EPB41L2: variants seen among roughly 807,000 people sequenced by gnomAD.
EPB41L2 encodes band 4.1-like protein 2.
EPB41L2 carries 43 observed loss-of-function variants against 113.0 expected under a neutral mutation model. The observed-to-expected ratio is 0.38, with a 90% CI of 0.30 to 0.49. EPB41L2 has a LOEUF of 0.49. EPB41L2 is among the 20% of genes least tolerant of loss of function. The pLI is 0.95. For missense variants in EPB41L2, 1,147 were observed against 1,223.4 expected (o/e 0.94, Z 0.93); for synonymous variants, 442 against 436.7 (o/e 1.01, Z -0.15).
chr6:130,847,554 T>C (rs77776982), intron 19 of EPB41L2, among the ~76,000 whole-genome samples: 7,117 of 152,262 alleles, frequency 0.047, 232 homozygotes, highest in East Asian at 0.12. Flanking sequence ...AATTGCATTA[T>C]ATCTTTAGGA....
chr6:130,944,279 ATCATT>A (rs942563909), intron 3 of EPB41L2, among the ~76,000 whole-genome samples: 1 of 152,096 alleles, frequency 6.6e-6, no homozygotes, highest in Non-Finnish European at 1.5e-5. Context: ...AACAAATGCT[ATCATT>A]TATCTTGGAT....
chr6:131,013,645 C>T (rs1389881584), intron 1 of EPB41L2: 1 of 152,176 alleles, frequency 6.6e-6, no homozygotes, highest in Non-Finnish European at 1.5e-5. Context: ...ATTGTTCAGA[C>T]CTTTTGGCAG....
At position 130,942,201 on chromosome 6, in the gene EPB41L2, A is replaced by T. The variant is rs180817731; in HGVS notation, c.705+12904T>A. Among the ~76,000 whole-genome samples the T allele has an allele frequency of 9.2e-5, 14 of 152,306 alleles. No individual in the cohort carries two copies. The East Asian group carries it at 2.7e-3, about 29-fold the overall frequency. ...ACAGAGTATGTGCTCCTGCTAAGGG[A>T]ATGGATGAATAGAATGCACCTAATT... On this transcript the variant is annotated intron_variant, in intron 3 of 19. Coordinates refer to ENST00000337057, the MANE Select transcript of EPB41L2 (RefSeq NM_001431.4).
chr6:131,040,281 T>C (rs1000515232), intron 1 of EPB41L2, among the ~76,000 whole-genome samples: 1 of 152,054 alleles, frequency 6.6e-6, no homozygotes, highest in Admixed American at 6.6e-5. Context: ...CTACTAAAAA[T>C]ACAATGAATT....
chr6:130,951,938 G>A (rs552946120), intron 3 of EPB41L2, among the ~76,000 whole-genome samples: 1 of 152,144 alleles, frequency 6.6e-6, no homozygotes, highest in East Asian at 1.9e-4. Flanking sequence ...AAGATGGTGT[G>A]GAAAAGAGCC....
rs1250014590 is a variant in EPB41L2 at position 131,013,248 on chromosome 6, A to AT, written c.-15+49906_-15+49907insA. ...TAATCAGTTAACTAAAGAAAAAAAA[A>AT]AATATATATATATAAGACCCAATCC... is the stretch of plus-strand genomic sequence containing the variant. On this transcript the variant is annotated intron_variant, in intron 1 of 19. Transcript: ENST00000337057. 7.5e-3 allele frequency among the ~76,000 whole-genome samples: 1,064 copies of AT among 142,022 alleles called. 12 individuals are homozygous for AT. The highest frequency in any genetic ancestry group is 0.029 in the Middle Eastern group (8 of 274). The allele number at this position is 142,022 out of a possible 152,430, so 93.2% of individuals were successfully genotyped here.
chr6:130,864,010 T>C (rs897187800), intron 17 of EPB41L2, among the ~76,000 whole-genome samples: 9 of 152,154 alleles, frequency 5.9e-5, no homozygotes, highest in Non-Finnish European at 1.3e-4. Context: ...TCTCACTTGA[T>C]TAAGATAGGA....
intron 19 of EPB41L2, among the ~76,000 whole-genome samples, chr6:130,854,728 A>C (rs1779713163): frequency 6.6e-6 from 1 of 152,196 alleles, no homozygotes; most frequent in African/African-American, 2.4e-5. Context: ...ATCTTATTCT[A>C]TCCTTAGAAT....
At chr6:131,038,573 T>C (rs1478414610) in intron 1 of EPB41L2, among the ~76,000 whole-genome samples, 4 of 152,192 alleles carry the variant, frequency 2.6e-5, no homozygotes, top group African/African-American at 4.8e-5. Context: ...AAATCAACCA[T>C]GCCTCCTAAC....
At chr6:130,861,874 C>CAAAAAA (rs558987011) in intron 18 of EPB41L2, among the ~76,000 whole-genome samples, 33,826 of 117,972 alleles carry the variant, frequency 0.29, 4,146 homozygotes, top group East Asian at 0.36. Context: ...TCCATCTCCC[C>CAAAAAA]AAAAAAAAAA....
chr6:130,954,036 C>CTTTTTTTTTTTTTTTTT (rs1816328530), intron 3 of EPB41L2, among the ~76,000 whole-genome samples: 13 of 45,518 alleles, frequency 2.9e-4, no homozygotes, highest in African/African-American at 7.6e-4. Flanking sequence ...TAGTCCTTTT[C>CTTTTTTTTTTTTTTTTT]TTTCTTTTTT....
intron 1 of EPB41L2, among the ~76,000 whole-genome samples, chr6:130,992,170 G>A (rs1053019698): frequency 2.6e-5 from 4 of 152,104 alleles, no homozygotes; most frequent in African/African-American, 4.8e-5. Flanking sequence ...GGTGATTTGC[G>A]AAAAGATTCA....
intron 18 of EPB41L2, among the ~76,000 whole-genome samples, chr6:130,860,755 C>T (rs903877818): frequency 1.3e-5 from 2 of 151,616 alleles, no homozygotes; most frequent in African/African-American, 4.8e-5. Flanking sequence ...AGGATGGTCT[C>T]GATCTCCTGA....
At position 131,007,600 on chromosome 6, in the gene EPB41L2, G is replaced by A. The variant is rs867231307; in HGVS notation, c.-14-51101C>T. Among the ~76,000 whole-genome samples the A allele has an allele frequency of 9.8e-5, 15 of 152,302 alleles. No individual in the cohort carries two copies. The South Asian group carries it at 1.9e-3, about 19-fold the overall frequency. ...GTGAGAAAGTCTGGAACCTCCTAGA[G>A]ACTTGTTGAATGGCTTAGACCAAAA... is the stretch of plus-strand genomic sequence containing the variant. On this transcript the variant is annotated intron_variant, in intron 1 of 19. Coordinates refer to ENST00000337057, the MANE Select transcript of EPB41L2 (RefSeq NM_001431.4).
intron 1 of EPB41L2, among the ~76,000 whole-genome samples, chr6:131,016,470 A>T (rs1401972834): frequency 2.2e-5 from 3 of 133,916 alleles, no homozygotes; most frequent in Non-Finnish European, 4.7e-5. Context: ...TAAGCATTTA[A>T]TAAGGAAACA....
intron 8 of EPB41L2, among the ~76,000 whole-genome samples, chr6:130,895,848 A>T (rs952438512): frequency 1.3e-5 from 2 of 152,238 alleles, no homozygotes; most frequent in African/African-American, 4.8e-5. Flanking sequence ...GGCCTAAATT[A>T]TGTTTTAAAA....
At position 130,956,355 on chromosome 6, in the gene EPB41L2, T is replaced by C. The variant is rs765400009; in HGVS notation, c.131A>G (p.Glu44Gly). ...QQNQSSDPEE[E>G]KGSQPPPAAE... ...TGCAGGAGGTGGCTGGGAACCTTTT[T>C]CCTCCTCTGGATCGGAAGACTGATT... Residue 44 changes from glutamate (E) to glycine (G), a missense_variant, in exon 2 of 20, where the codon GAA becomes GGA. Glu to Gly is a moderately conservative substitution (Grantham distance 98). Transcript: ENST00000337057. The C allele has an allele frequency of 1.9e-6, 3 of 1,614,194 alleles. No individual in the cohort carries two copies. The highest frequency in any genetic ancestry group is 1.7e-6 in the Non-Finnish European group (2 of 1,180,038).
rs1783663882 is a variant in EPB41L2 at position 130,866,100 on chromosome 6, T to C, written c.2731-466A>G. On this transcript the variant is annotated intron_variant, in intron 16 of 19. Transcript: ENST00000337057. ...GACAAACTGAATCTGCATGATTTGG[T>C]TATCTGCTTACCTCTAGCGATTGTT... Among the ~76,000 whole-genome samples, 5 of 152,328 alleles carry C rather than the reference T, an allele frequency of 3.3e-5. No homozygotes were observed. The South Asian group carries it at 1.0e-3, about 32-fold the overall frequency.
chr6:130,876,735 T>C (rs1314370650), intron 14 of EPB41L2: 1 of 1,304,240 alleles, frequency 7.7e-7, no homozygotes, highest in South Asian at 1.2e-5. Flanking sequence ...GTACTTCTCC[T>C]TCACGGATAA....
Sources: allele counts gnomAD v4.1 joint callset (sites outside exome capture counted in the v4.1 genomes callset), GRCh38; gene constraint gnomAD v4.1.1; transcripts MANE v1.5; gene names NCBI Gene and HGNC (gene_info 2026-07-23, HGNC 2026-07-21).